The following RBFOX1 variants were observed in gnomAD, a reference collection of about 807,000 sequenced individuals.
The protein encoded by RBFOX1 is RNA binding fox-1 homolog 1.
In RBFOX1, 8 loss-of-function variants were observed where a neutral mutation model predicts 57.7. That is an observed-to-expected ratio of 0.14 (90% CI 0.08 to 0.25). The LOEUF (loss-of-function observed/expected upper bound fraction) is 0.25, where lower values mean the gene tolerates loss of function less well. Among genes scored for constraint, RBFOX1 ranks in the 10% least tolerant of loss-of-function variants. RBFOX1 has a pLI of 1.00. For synonymous variants in RBFOX1, 326 were observed against 222.4 expected (o/e 1.47, Z -4.15); for missense variants, 611 against 548.5 (o/e 1.11, Z -1.14).
chr16:6,831,499 A>C (rs919264320), intron 3 of RBFOX1, among the ~76,000 whole-genome samples: 1 of 152,184 alleles, frequency 6.6e-6, no homozygotes, highest in Non-Finnish European at 1.5e-5. Flanking sequence ...ACTTAGCCTA[A>C]TATATTTCCC....
Position 7,029,260 on chromosome 16 carries a change from A to C in RBFOX1, c.-15-22797A>C, listed in dbSNP as rs537614822. On this transcript the variant is annotated intron_variant, in intron 3 of 15. Transcript: ENST00000550418. ...CGTATACGTATATATATACACACATATATATACGTATACGTATATATATAC... is the reference window on the plus strand; with the variant it reads ...CGTATACGTATATATATACACACATCTATATACGTATACGTATATATATAC... Among the ~76,000 whole-genome samples, 3 of 134,858 alleles carry C rather than the reference A, an allele frequency of 2.2e-5. 1 individual carries two copies. The East Asian group carries it at 6.9e-4, about 31-fold the overall frequency. The allele number at this position is 134,858 out of a possible 152,430, so 88.5% of individuals were successfully genotyped here.
intron 1 of RBFOX1, among the ~76,000 whole-genome samples, chr16:5,271,483 C>A (rs1463653579): frequency 1.3e-5 from 2 of 152,262 alleles, no homozygotes; most frequent in Non-Finnish European, 2.9e-5. Flanking sequence ...ATCCACTTTT[C>A]ACTGGGAACT....
At position 6,172,647 on chromosome 16, in the gene RBFOX1, C is replaced by A. The variant is rs766305406; in HGVS notation, c.-126-144348C>A. Among the ~76,000 whole-genome samples, 5 of 152,324 alleles carry A rather than the reference C, an allele frequency of 3.3e-5. No homozygotes were observed. In the South Asian group the frequency reaches 1.0e-3, roughly 32 times the overall value. ...CCCTCTGGATTATTCAATGTAGAAA[C>A]TTCATCACATTGTTTAACCTTCCTA... On this transcript the variant is annotated intron_variant, in intron 1 of 15. Transcript: ENST00000550418.
chr16:5,575,576 A>G (rs2046423883), intron 2 of RBFOX1, among the ~76,000 whole-genome samples: 2 of 152,240 alleles, frequency 1.3e-5, no homozygotes, highest in Non-Finnish European at 2.9e-5. Flanking sequence ...GGAAGTGAAC[A>G]CACATCCCAT....
chr16:5,598,036 C>T (rs2047243935), intron 2 of RBFOX1, among the ~76,000 whole-genome samples: 1 of 152,030 alleles, frequency 6.6e-6, no homozygotes, highest in South Asian at 2.1e-4. Flanking sequence ...GTGGCTCAGG[C>T]CGGTAATGTT....
Position 5,642,615 on chromosome 16 carries a change from C to T in RBFOX1, c.318+43654C>T, listed in dbSNP as rs538925342. Among the ~76,000 whole-genome samples the T allele has an allele frequency of 1.2e-4, 18 of 152,226 alleles. No individual in the cohort carries two copies. In the East Asian group the frequency reaches 3.5e-3, roughly 29 times the overall value. ...AAACTTGAATGTGCCTAGCCGCCCC[C>T]CCTTCCCCAGCCACCCAGCCTCATG... On this transcript the variant is annotated intron_variant, in intron 3 of 19. Transcript: ENST00000641259.
At chr16:6,300,552 C>A (rs1370200016) in intron 1 of RBFOX1, among the ~76,000 whole-genome samples, 1 of 152,188 alleles carries the variant, frequency 6.6e-6, no homozygotes, top group Non-Finnish European at 1.5e-5. Context: ...TAGCGGAGTA[C>A]TCATTAAATT....
intron 4 of RBFOX1, among the ~76,000 whole-genome samples, chr16:7,077,230 A>G (rs980067816): frequency 1.3e-5 from 2 of 152,220 alleles, no homozygotes; most frequent in African/African-American, 4.8e-5. Flanking sequence ...CAGACAATCC[A>G]TGAGGGGAAA....
intron 3 of RBFOX1, among the ~76,000 whole-genome samples, chr16:6,777,210 T>C (rs1389808732): frequency 2.6e-5 from 4 of 152,194 alleles, no homozygotes; most frequent in Admixed American, 2.6e-4. Flanking sequence ...GATCTAGTAC[T>C]GTAGGTAATT....
At chr16:7,135,555 G>A (rs2071690009) in intron 4 of RBFOX1, among the ~76,000 whole-genome samples, 2 of 152,220 alleles carry the variant, frequency 1.3e-5, no homozygotes, top group African/African-American at 4.8e-5. Flanking sequence ...GTAACAACTT[G>A]TGAAAAATTA....
intron 3 of RBFOX1, among the ~76,000 whole-genome samples, chr16:6,924,388 C>A (rs991750064): frequency 6.6e-6 from 1 of 151,834 alleles, no homozygotes; most frequent in African/African-American, 2.4e-5. Flanking sequence ...GAGGTGCCAG[C>A]CTCCTTTAAA....
In RBFOX1 at chr16:6,142,335, T is replaced by C. The variant is rs544017981; in HGVS notation, c.-127+122343T>C. On this transcript the variant is annotated intron_variant, in intron 1 of 15. Transcript: ENST00000550418. The stretch of plus-strand genomic sequence containing the variant: ...CTCCTGAGTTCACGCCATTCTCCTG[T>C]CTCAGCCTCCCGAGTAGCTGGGACT... Among the ~76,000 whole-genome samples, 129 of 150,466 alleles carry C rather than the reference T, an allele frequency of 8.6e-4. 2 individuals are homozygous for C. The highest frequency in any genetic ancestry group is 8.4e-3 in the South Asian group (39 of 4,634).
chr16:7,038,927 C>T (rs568415281), intron 3 of RBFOX1, among the ~76,000 whole-genome samples: 55 of 152,318 alleles, frequency 3.6e-4, no homozygotes, highest in African/African-American at 1.3e-3. Context: ...GGCATCCTGA[C>T]CTCTGACATC....
At chr16:6,821,849 G>C (rs969900237) in intron 3 of RBFOX1, among the ~76,000 whole-genome samples, 5 of 152,162 alleles carry the variant, frequency 3.3e-5, no homozygotes, top group African/African-American at 4.8e-5. Context: ...GCAGGCACTT[G>C]TCTGTTTTCA....
chr16:7,678,624 A>G (rs1383186344), intron 14 of RBFOX1, among the ~76,000 whole-genome samples: 1 of 152,056 alleles, frequency 6.6e-6, no homozygotes, highest in Non-Finnish European at 1.5e-5. Context: ...CCCAAGTTGA[A>G]AAAAAAAGAT....
intron 2 of RBFOX1, among the ~76,000 whole-genome samples, chr16:6,356,738 A>T (rs1369189119): frequency 6.6e-6 from 1 of 152,196 alleles, no homozygotes; most frequent in Non-Finnish European, 1.5e-5. Flanking sequence ...GCGAAAAACA[A>T]GGGAATCATT....
intron 3 of RBFOX1, among the ~76,000 whole-genome samples, chr16:5,642,692 T>C (rs868502436): frequency 2.0e-5 from 3 of 151,962 alleles, no homozygotes; most frequent in Middle Eastern, 3.4e-3. Flanking sequence ...TTACTAGAGG[T>C]AATTACAGAA....
chr16:5,731,930 A>C (rs1417850772), intron 3 of RBFOX1, among the ~76,000 whole-genome samples: 1 of 152,164 alleles, frequency 6.6e-6, no homozygotes, highest in Non-Finnish European at 1.5e-5. Context: ...CAGGTGTTTA[A>C]TGGAAGGTCC....
chr16:6,998,514 C>T (rs1335591314), intron 3 of RBFOX1, among the ~76,000 whole-genome samples: 1 of 152,116 alleles, frequency 6.6e-6, no homozygotes, highest in African/African-American at 2.4e-5. Flanking sequence ...TTGGCCCTAC[C>T]AGAAGCAAGA....
Sources: gnomAD v4.1 joint callset for allele counts (sites outside exome capture counted in the v4.1 genomes callset) on GRCh38, gnomAD v4.1.1 for gene constraint, MANE v1.5 for transcripts, NCBI Gene and HGNC (gene_info 2026-07-23, HGNC 2026-07-21) for gene names.